The following GFPT2 variants were observed in gnomAD, a reference collection of about 807,000 sequenced individuals.
GFPT2 encodes the protein glutamine--fructose-6-phosphate transaminase 2, also known as glutamine--fructose-6-phosphate aminotransferase [isomerizing] 2.
In GFPT2, 62 loss-of-function variants were observed where a neutral mutation model predicts 85.6. The ratio of observed to expected loss-of-function variants is 0.72; its 90% CI spans 0.59 to 0.90. The LOEUF is 0.90. Among genes scored for constraint, GFPT2 ranks in the 40% least tolerant of loss-of-function variants. GFPT2 has a pLI of 0.00. For synonymous variants in GFPT2, 368 were observed against 344.5 expected (o/e 1.07, Z -0.75); for missense variants, 788 against 893.4 (o/e 0.88, Z 1.50).
intron 7 of GFPT2, among the ~76,000 whole-genome samples, chr5:180,325,870 C>T (rs1298023848): frequency 4.6e-5 from 7 of 152,034 alleles, no homozygotes; most frequent in African/African-American, 1.2e-4. Context: ...ACTAAAAATA[C>T]AAAAATTAGC....
intron 3 of GFPT2, 31 bp downstream of exon 3, chr5:180,336,448 G>A (rs752931687): frequency 4.5e-5 from 54 of 1,199,368 alleles, no homozygotes; most frequent in African/African-American, 7.5e-5. Context: ...GCGCTGCAGC[G>A]GCTCCTCCCA....
intron 13 of GFPT2, among the ~76,000 whole-genome samples, chr5:180,314,920 C>A (rs1165062852): frequency 6.6e-6 from 1 of 152,202 alleles, no homozygotes; most frequent in Non-Finnish European, 1.5e-5. Context: ...TTGTTAATGT[C>A]TCCCACCAAT....
intron 17 of GFPT2, 72 bp from the exon 18 acceptor site, chr5:180,302,656 C>T (rs1230009288): frequency 2.5e-6 from 3 of 1,210,140 alleles, no homozygotes; most frequent in African/African-American, 3.0e-5. Context: ...TACAGAGTAT[C>T]TGGAAGCTAC....
chr5:180,316,004 A>T (rs1030465417), intron 13 of GFPT2, among the ~76,000 whole-genome samples: 1 of 152,264 alleles, frequency 6.6e-6, no homozygotes, highest in Non-Finnish European at 1.5e-5. Context: ...TTCTATTAAC[A>T]TAAATCAGCA....
intron 2 of GFPT2, among the ~76,000 whole-genome samples, chr5:180,336,969 C>A (rs1172478317): frequency 2.0e-5 from 3 of 152,254 alleles, no homozygotes; most frequent in Non-Finnish European, 4.4e-5. Flanking sequence ...TTCCTCCCGT[C>A]GTCTATCGGA....
At chr5:180,338,264 G>A (rs1166635878) in intron 2 of GFPT2, among the ~76,000 whole-genome samples, 2 of 152,052 alleles carry the variant, frequency 1.3e-5, no homozygotes, top group East Asian at 3.8e-4. Flanking sequence ...TTCCTGATGG[G>A]GGGACTTCTG....
chr5:180,316,980 T>G lies in GFPT2; in HGVS notation c.1037A>C (p.Asn346Thr). The G allele has an allele frequency of 6.2e-7, 1 of 1,609,420 alleles. No homozygotes were observed. The highest frequency in any genetic ancestry group is 8.5e-7 in the Non-Finnish European group (1 of 1,175,716). ...GGAATTACCTGTGTTGGTTTCAAAA[T>G]TCACCCGACCTCTCATAGTATTGAA... The part of the protein sequence containing the change: ...SVFNTMRGRV[N>T]FETNTVLLGG... The change falls in exon 11 of 19, where the codon AAT becomes ACT. Residue 346 changes from asparagine to threonine, a missense_variant. By Grantham distance (65) the Asn-to-Thr change is moderately conservative. Transcript: ENST00000253778.
At chr5:180,324,605 T>A in intron 8 of GFPT2, 1 of 592,294 alleles carries the variant, frequency 1.7e-6, no homozygotes, top group Non-Finnish European at 3.0e-6. Flanking sequence ...TACAAAATCA[T>A]GATAAATTCA....
rs757529807 is a variant in GFPT2 at position 180,323,891 on chromosome 5, A to G, written c.794+297T>C. On this transcript the variant is annotated intron_variant, in intron 9 of 18. Transcript: ENST00000253778. This position sits in a 1 kb window ranked among gnomAD's most constrained non-coding sequence, Gnocchi z 4.0. ...GCTAGAGATTTCAGATTTCTCTGTGAAATCTCCAAATTTTACAACATTGGC... is the reference window on the plus strand; with the variant it reads ...GCTAGAGATTTCAGATTTCTCTGTGGAATCTCCAAATTTTACAACATTGGC... Among the ~76,000 whole-genome samples, 4 of 152,240 alleles carry G rather than the reference A, an allele frequency of 2.6e-5. No homozygotes were observed. Among genetic ancestry groups the G allele is most frequent in the African/African-American group, 7.2e-5 (3 of 41,458 alleles).
Position 180,330,951 on chromosome 5 carries a change from A to G in GFPT2, c.400-117T>C. The G allele has an allele frequency of 1.1e-6, 1 of 923,768 alleles. No homozygotes were observed. The highest frequency in any genetic ancestry group is 1.6e-6 in the Non-Finnish European group (1 of 614,750). The allele number at this position is 923,768 out of a possible 1,614,324, so 57.2% of individuals were successfully genotyped here. A position where few individuals can be genotyped will look rare whatever the true frequency, so the allele number is the denominator to read the frequency against. On this transcript the variant is annotated intron_variant, in intron 5 of 18. Transcript: ENST00000253778. The surrounding 1 kb of genome is among the most constrained non-coding windows in gnomAD (Gnocchi z 4.4). ...GAGTGACTTAAGTCAAGAACAGGGA[A>G]AACCGGGAAGGGGGGAAAAATGTTT...
chr5:180,312,486 C>T lies in GFPT2; in HGVS notation c.1490G>A (p.Arg497Gln), dbSNP rs1433230823. 1.9e-6 allele frequency: 3 copies of T among 1,611,944 alleles called. No individual in the cohort carries two copies. Among genetic ancestry groups the T allele is most frequent in the South Asian group, 1.1e-5 (1 of 91,042 alleles). Reference sequence around the variant, plus strand: ...TTGCCTCCTGTTTTGTAGTGAAATTCGGTCTTCAGACATCATCAAACCAAA... The same window carrying T: ...TTGCCTCCTGTTTTGTAGTGAAATTTGGTCTTCAGACATCATCAAACCAAA... ...VMFGLMMSED[R>Q]ISLQNRRQEI... The change falls in exon 15 of 19, where the codon CGA becomes CAA. Residue 497 changes from arginine to glutamine, a missense_variant. Arg to Gln is a conservative substitution (Grantham distance 43, BLOSUM62 1). Coordinates refer to ENST00000253778, the MANE Select transcript of GFPT2 (RefSeq NM_005110.4).
chr5:180,329,797 C>CT, intron 6 of GFPT2, among the ~76,000 whole-genome samples: 1 of 152,338 alleles, frequency 6.6e-6, no homozygotes. Flanking sequence ...AGGATGGGCT[C>CT]TGAGAGGCCC....
At chr5:180,305,974 T>C (rs60479960) in intron 16 of GFPT2, among the ~76,000 whole-genome samples, 1 of 143,428 alleles carries the variant, frequency 7.0e-6, no homozygotes, top group South Asian at 2.2e-4. Flanking sequence ...CTTTTTTTTT[T>C]CTTTCTTTCT....
At chr5:180,346,363 C>T (rs962558895) in intron 1 of GFPT2, among the ~76,000 whole-genome samples, 9 of 152,296 alleles carry the variant, frequency 5.9e-5, no homozygotes, top group Admixed American at 5.2e-4. Flanking sequence ...AGGAGATGCC[C>T]GCCTAGCACC....
chr5:180,330,615 G>T lies in GFPT2; in HGVS notation c.534+85C>A. Reference sequence around the variant, plus strand: ...TAACAAGGGCTTATAAAAAATGAAGGATTCCTTGGCACTTGCTGCTTGAAA... The same window carrying T: ...TAACAAGGGCTTATAAAAAATGAAGTATTCCTTGGCACTTGCTGCTTGAAA... On this transcript the variant is annotated intron_variant, in intron 6 of 18. Transcript: ENST00000253778. This position sits in a 1 kb window ranked among gnomAD's most constrained non-coding sequence, Gnocchi z 4.4. 3 of 1,110,004 alleles carry T rather than the reference G, an allele frequency of 2.7e-6. No homozygotes were observed. Among genetic ancestry groups the T allele is most frequent in the Non-Finnish European group, 4.0e-6 (3 of 747,516 alleles). 68.8% of individuals were successfully genotyped at this position (1,110,004 alleles called of 1,614,324 possible). A position where few individuals can be genotyped will look rare whatever the true frequency, so the allele number is the denominator to read the frequency against.
rs1324024949 is a variant in GFPT2 at position 180,318,845 on chromosome 5, G to T, written c.906C>A (p.Asp302Glu). The T allele has an allele frequency of 3.7e-6, 6 of 1,613,922 alleles. No individual in the cohort carries two copies. In the East Asian group the frequency reaches 1.3e-4, roughly 36 times the overall value. ...GCAAGGTCTGGATGGCTCGAGATGG[G>T]TCATCACTGGCCGAGCGCTTGACCC... is the stretch of plus-strand genomic sequence containing the variant. The part of the protein sequence containing the change: ...IHRVKRSASD[D>E]PSRAIQTLQM... Residue 302 changes from aspartate to glutamate, a missense_variant, in exon 10 of 19, where the codon GAC becomes GAA. Coordinates refer to ENST00000253778, the MANE Select transcript of GFPT2 (RefSeq NM_005110.4). The surrounding 1 kb of genome is among the most constrained non-coding windows in gnomAD (Gnocchi z 4.2).
chr5:180,325,974 G>A (rs543581475), intron 7 of GFPT2, among the ~76,000 whole-genome samples: 8 of 152,260 alleles, frequency 5.3e-5, no homozygotes, highest in East Asian at 3.9e-4. Flanking sequence ...GCAATGAGCC[G>A]AGATCGTGCC....
intron 13 of GFPT2, among the ~76,000 whole-genome samples, chr5:180,314,894 C>T (rs73349659): frequency 0.018 from 2,777 of 152,288 alleles, 69 homozygotes; most frequent in East Asian, 0.097. Flanking sequence ...TTCATATTAG[C>T]TCCACCTCTG....
rs1412927196 is a variant in GFPT2 at position 180,328,861 on chromosome 5, G to A, written c.535-523C>T. ...CGCCACCTGGCGGGGCTTCCGTGAC[G>A]ATGATAAGCTAATGCACTGAGCCTG... On this transcript the variant is annotated intron_variant, in intron 6 of 18. Transcript: ENST00000253778. The surrounding 1 kb of genome is among the most constrained non-coding windows in gnomAD (Gnocchi z 5.4). Among the ~76,000 whole-genome samples, 2 of 152,232 alleles carry A rather than the reference G, an allele frequency of 1.3e-5. No individual in the cohort carries two copies. Among genetic ancestry groups the A allele is most frequent in the Admixed American group, 6.5e-5 (1 of 15,288 alleles).
Sources: allele counts gnomAD v4.1 joint callset (sites outside exome capture counted in the v4.1 genomes callset), GRCh38; gene constraint gnomAD v4.1.1; non-coding constraint Gnocchi (gnomAD v3.1); transcripts MANE v1.5; gene names NCBI Gene and HGNC (gene_info 2026-07-23, HGNC 2026-07-21).